The following DNAH11 variants were observed in gnomAD, a reference collection of about 807,000 sequenced individuals.
DNAH11 encodes axonemal beta dynein heavy chain 11.
A neutral mutation model predicts 526.0 loss-of-function variants in DNAH11; 442 were observed. The ratio of observed to expected loss-of-function variants is 0.84; its 90% CI spans 0.78 to 0.91. The LOEUF (loss-of-function observed/expected upper bound fraction) is 0.91, where lower values mean the gene tolerates loss of function less well. Ranked by LOEUF, DNAH11 falls within the 40% of genes least tolerant of loss-of-function variation. The pLI, the probability that DNAH11 is intolerant of heterozygous loss-of-function variation, is 0.00. For synonymous variants in DNAH11, 2,461 were observed against 1,935.9 expected, an observed-to-expected ratio of 1.27 and a Z score of -7.12; for missense variants, 6,989 against 5,448.7, an observed-to-expected ratio of 1.28 and a Z score of -8.90.
chr7:21,827,380 A>T (rs1790350166), intron 65 of DNAH11, among the ~76,000 whole-genome samples: 1 of 152,076 alleles, frequency 6.6e-6, no homozygotes, highest in South Asian at 2.1e-4. Context: ...TCTTCATAAA[A>T]TTCTCTTTAA....
chr7:21,699,073 T>A (rs1295805173), intron 36 of DNAH11, among the ~76,000 whole-genome samples: 1 of 152,214 alleles, frequency 6.6e-6, no homozygotes, highest in East Asian at 1.9e-4. Context: ...GAATTTTATG[T>A]TGCCTCCCTT....
At chr7:21,572,184 C>G (rs540416735) in intron 8 of DNAH11, among the ~76,000 whole-genome samples, 2 of 152,310 alleles carry the variant, frequency 1.3e-5, no homozygotes, top group South Asian at 4.1e-4. Context: ...AGAATGACGG[C>G]TGATAAAACT....
intron 18 of DNAH11, among the ~76,000 whole-genome samples, chr7:21,601,839 T>C (rs1785103760): frequency 6.6e-6 from 1 of 152,178 alleles, no homozygotes; most frequent in South Asian, 2.1e-4. Flanking sequence ...GTGTGTTTTA[T>C]GACAAAATAC....
At chr7:21,823,261 C>T (rs914488088) in intron 65 of DNAH11, among the ~76,000 whole-genome samples, 2 of 151,994 alleles carry the variant, frequency 1.3e-5, no homozygotes, top group African/African-American at 4.8e-5. Context: ...GCCATTTTAC[C>T]AGTCTAACTC....
At chr7:21,722,609 G>C (rs1784922259) in intron 44 of DNAH11, among the ~76,000 whole-genome samples, 1 of 152,092 alleles carries the variant, frequency 6.6e-6, no homozygotes, top group Non-Finnish European at 1.5e-5. Flanking sequence ...TGGCCTCCTA[G>C]ATCTTATTTC....
At chr7:21,581,620 G>C (rs139603163) in intron 8 of DNAH11, among the ~76,000 whole-genome samples, 3 of 152,276 alleles carry the variant, frequency 2.0e-5, no homozygotes, top group African/African-American at 7.2e-5. Flanking sequence ...TTCTATGTGA[G>C]CATGTGAGCC....
Position 21,717,782 on chromosome 7 carries a change from G to A in DNAH11, c.6991G>A (p.Ala2331Thr). 6.2e-7 allele frequency: 1 copy of A among 1,613,694 alleles called. No individual in the cohort carries two copies. The highest frequency in any genetic ancestry group is 8.5e-7 in the Non-Finnish European group (1 of 1,179,782). The change falls in exon 43 of 82, where the codon GCC becomes ACC. Residue 2331 changes from alanine (A) to threonine (T), a missense_variant. By Grantham distance (58) the Ala-to-Thr change is moderately conservative (BLOSUM62 0). Coordinates refer to ENST00000409508, the MANE Select transcript of DNAH11 (RefSeq NM_001277115.2). ...PQDLGWNPYV[A>T]SWIDRRRHQS... Reference sequence around the variant, plus strand: ...TTCTGTGTTCCTTTTCAGGTATGTGGCCAGTTGGATAGACAGAAGGCGGCA... The same window carrying A: ...TTCTGTGTTCCTTTTCAGGTATGTGACCAGTTGGATAGACAGAAGGCGGCA...
Position 21,772,367 on chromosome 7 carries a change from T to TC in DNAH11, c.9103-1396dup, listed in dbSNP as rs564572901. 1.1e-3 allele frequency among the ~76,000 whole-genome samples: 165 copies of TC among 150,654 alleles called. 2 individuals carry two copies. The highest frequency in any genetic ancestry group is 6.8e-3 in the Middle Eastern group (2 of 292). ...TTTCTTCTTTCTTTCTTTTTTTTTT[T>TC]CCCTTCCTGTAAGGAGGTTACACTT... On this transcript the variant is annotated intron_variant, in intron 55 of 81. Transcript: ENST00000409508.
intron 30 of DNAH11, among the ~76,000 whole-genome samples, chr7:21,674,031 TGTG>T (rs750397009): frequency 0.29 from 12,012 of 41,972 alleles, 903 homozygotes; most frequent in Admixed American, 0.51. Context: ...TTTTGTTTTG[TGTG>T]TGTGTGTGTG....
At chr7:21,697,402 C>G (rs963059355) in intron 35 of DNAH11, among the ~76,000 whole-genome samples, 2 of 152,060 alleles carry the variant, frequency 1.3e-5, no homozygotes, top group African/African-American at 4.8e-5. Context: ...CTCTCAGTAG[C>G]TGATGGTTAA....
intron 65 of DNAH11, among the ~76,000 whole-genome samples, chr7:21,835,426 G>A (rs185950286): frequency 6.7e-4 from 102 of 152,166 alleles, no homozygotes; most frequent in African/African-American, 2.3e-3. Context: ...TGACCAAGTG[G>A]AATTTATTCC....
intron 5 of DNAH11, among the ~76,000 whole-genome samples, chr7:21,563,233 G>T (rs1046697067): frequency 6.6e-6 from 1 of 151,504 alleles, no homozygotes; most frequent in Admixed American, 6.6e-5. Context: ...TTTGGAGACA[G>T]GGTCTTGCTC....
At chr7:21,857,705 G>T (rs968589325) in intron 68 of DNAH11, among the ~76,000 whole-genome samples, 7 of 152,096 alleles carry the variant, frequency 4.6e-5, no homozygotes, top group African/African-American at 1.2e-4. Context: ...TTCAGTAGGG[G>T]TGCCAAGACA....
At chr7:21,548,607 A>C (rs1397863413) in intron 2 of DNAH11, among the ~76,000 whole-genome samples, 2 of 152,216 alleles carry the variant, frequency 1.3e-5, no homozygotes. Context: ...CTAAAGCACA[A>C]GTCCTGATCC....
chr7:21,884,327 A>T lies in DNAH11; in HGVS notation c.12424A>T (p.Ile4142Phe), dbSNP rs1034111426. Residue 4142 changes from isoleucine (I) to phenylalanine (F), a missense_variant, in exon 76 of 82, where the codon ATC (isoleucine) becomes TTC (phenylalanine). Ile to Phe is a conservative substitution (Grantham distance 21). Coordinates refer to ENST00000409508, the MANE Select transcript of DNAH11 (RefSeq NM_001277115.2). The part of the protein sequence containing the change: ...WEDLRYLFGE[I>F]MYGGHITDDW... The stretch of plus-strand genomic sequence containing the variant: ...AGATCTCCGTTATCTCTTTGGTGAG[A>T]TCATGTATGGAGGCCACATCACAGA... 1 of 1,612,654 alleles carries T rather than the reference A, an allele frequency of 6.2e-7. No homozygotes were observed. Among genetic ancestry groups the T allele is most frequent in the African/African-American group, 1.3e-5 (1 of 74,856 alleles).
At chr7:21,765,652 A>ACACACG in intron 55 of DNAH11, 63 bp downstream of exon 55, 2 of 1,152,050 alleles carry the variant, frequency 1.7e-6, no homozygotes, top group African/African-American at 1.8e-5. Flanking sequence ...ACACACACAC[A>ACACACG]CACACACTCT....
intron 65 of DNAH11, among the ~76,000 whole-genome samples, chr7:21,836,221 G>A (rs1781992240): frequency 6.6e-6 from 1 of 152,002 alleles, no homozygotes; most frequent in East Asian, 1.9e-4. Flanking sequence ...AAATACCAAC[G>A]ACATTCTTCA....
chr7:21,745,007 C>T lies in DNAH11; in HGVS notation c.8454C>T (p.Tyr2818=). 2.5e-6 allele frequency: 4 copies of T among 1,610,144 alleles called. No homozygotes were observed. Among genetic ancestry groups the T allele is most frequent in the African/African-American group, 1.3e-5 (1 of 75,010 alleles). ...KTILTETLDN[Y]NELNAAMHLV... ...TTCTTACAGAAACGTTAGACAACTACAATGAACTAAATGCTGCCATGCACC... is the reference window on the plus strand; with the variant it reads ...TTCTTACAGAAACGTTAGACAACTATAATGAACTAAATGCTGCCATGCACC... Residue 2818 remains tyrosine, a synonymous_variant, in exon 51 of 82, where the codon TAC becomes TAT. Transcript: ENST00000409508.
chr7:21,661,115 C>T (rs1782227042), intron 30 of DNAH11, among the ~76,000 whole-genome samples: 1 of 152,048 alleles, frequency 6.6e-6, no homozygotes, highest in South Asian at 2.1e-4. Flanking sequence ...CCTCAAGAAT[C>T]TTAGGATCAT....
Sources: allele counts gnomAD v4.1 joint callset (sites outside exome capture counted in the v4.1 genomes callset), GRCh38; gene constraint gnomAD v4.1.1; transcripts MANE v1.5; gene names NCBI Gene and HGNC (gene_info 2026-07-23, HGNC 2026-07-21).